YES1: variants seen among roughly 807,000 people sequenced by gnomAD.
The protein encoded by YES1 is YES proto-oncogene 1, Src family tyrosine kinase.
In YES1, 39 loss-of-function variants were observed where a neutral mutation model predicts 70.4. The ratio of observed to expected loss-of-function variants is 0.55; its 90% confidence interval spans 0.43 to 0.72. The LOEUF is 0.72. Ranked by LOEUF, YES1 falls within the 30% of genes least tolerant of loss-of-function variation. The pLI, the probability that YES1 is intolerant of heterozygous loss-of-function variation, is 0.00. For synonymous variants in YES1, 198 were observed against 218.6 expected, an observed-to-expected ratio of 0.91 and a Z score of 0.83; for missense variants, 495 against 644.8, an observed-to-expected ratio of 0.77 and a Z score of 2.52.
intron 1 of YES1, among the ~76,000 whole-genome samples, chr18:767,392 T>TC (rs1465245585): frequency 6.6e-6 from 1 of 152,122 alleles, no homozygotes; most frequent in African/African-American, 2.4e-5. Flanking sequence ...CTCAAGCAAT[T>TC]CGCCTGCCTC....
intron 3 of YES1, among the ~76,000 whole-genome samples, chr18:750,810 A>T (rs1375958535): frequency 6.6e-6 from 1 of 152,192 alleles, no homozygotes; most frequent in Non-Finnish European, 1.5e-5. Context: ...TTAGCTAAAT[A>T]AAGGAAAGAA....
intron 1 of YES1, among the ~76,000 whole-genome samples, chr18:797,447 G>A (rs958085599): frequency 6.6e-6 from 1 of 151,798 alleles, no homozygotes; most frequent in Non-Finnish European, 1.5e-5. Flanking sequence ...ATTATGGAAA[G>A]AGGAAAAACA....
At chr18:786,885 A>G (rs986654561) in intron 1 of YES1, among the ~76,000 whole-genome samples, 2 of 152,062 alleles carry the variant, frequency 1.3e-5, no homozygotes, top group African/African-American at 4.8e-5. Flanking sequence ...ACAAGGTTAC[A>G]TGATTTATTT....
chr18:783,714 C>T (rs1220625830), intron 1 of YES1, among the ~76,000 whole-genome samples: 1 of 151,522 alleles, frequency 6.6e-6, no homozygotes, highest in Non-Finnish European at 1.5e-5. Context: ...ATCCCAGGTT[C>T]AAGCAATTCT....
At chr18:762,760 T>G (rs1425578315) in intron 1 of YES1, among the ~76,000 whole-genome samples, 1 of 152,050 alleles carries the variant, frequency 6.6e-6, no homozygotes. Context: ...GCTATCAAAA[T>G]AAAACCAAAA....
intron 3 of YES1, among the ~76,000 whole-genome samples, chr18:748,334 T>A (rs1333219548): frequency 1.3e-5 from 2 of 149,260 alleles, no homozygotes; most frequent in Non-Finnish European, 3.0e-5. Context: ...GGGAGGTAAA[T>A]CTTTCAAATT....
intron 1 of YES1, among the ~76,000 whole-genome samples, chr18:765,687 C>T (rs563249156): frequency 6.6e-6 from 1 of 152,190 alleles, no homozygotes; most frequent in South Asian, 2.1e-4. Flanking sequence ...CGTGAGCCAC[C>T]GCACCCGGCC....
chr18:731,154 A>C (rs1383393938), intron 11 of YES1, among the ~76,000 whole-genome samples: 2 of 152,212 alleles, frequency 1.3e-5, no homozygotes, highest in African/African-American at 2.4e-5. Context: ...AGATGCATGA[A>C]ATAGATTTTG....
At chr18:751,681 T>C (rs1486507679) in intron 3 of YES1, 24 bp downstream of exon 3, 1 of 1,429,802 alleles carries the variant, frequency 7.0e-7, no homozygotes, top group African/African-American at 1.4e-5. Context: ...AGTATTTCTC[T>C]CACAAAATAT....
At chr18:809,843 A>G (rs552122089) in intron 1 of YES1, among the ~76,000 whole-genome samples, 1 of 152,146 alleles carries the variant, frequency 6.6e-6, no homozygotes, top group East Asian at 1.9e-4. Context: ...AATGAATTAC[A>G]CTAAGACCAA....
At chr18:740,716 T>G (rs2145700321) in intron 8 of YES1, among the ~76,000 whole-genome samples, 1 of 152,304 alleles carries the variant, frequency 6.6e-6, no homozygotes. Flanking sequence ...TAGAAAGGAC[T>G]TTTGTTATCT....
chr18:753,302 G>A (rs2080365320), intron 2 of YES1, among the ~76,000 whole-genome samples: 1 of 152,086 alleles, frequency 6.6e-6, no homozygotes, highest in Admixed American at 6.5e-5. Flanking sequence ...TTTTTGTGGT[G>A]AGAACACTTA....
chr18:743,478 T>A, intron 6 of YES1, 63 bp from the exon 7 acceptor site: 1 of 1,349,710 alleles, frequency 7.4e-7, no homozygotes, highest in African/African-American at 1.5e-5. Context: ...ATATAGTGTA[T>A]CAATGTTTTA....
intron 2 of YES1, among the ~76,000 whole-genome samples, chr18:752,232 C>A: frequency 6.6e-6 from 1 of 152,310 alleles, no homozygotes; most frequent in Admixed American, 6.5e-5. Flanking sequence ...CTCAGCTTCC[C>A]AAGTAGCTGG....
chr18:735,898 T>TG (rs1410849136), intron 10 of YES1: 2 of 152,220 alleles, frequency 1.3e-5, no homozygotes, highest in African/African-American at 4.8e-5. Context: ...AGGCCGGGCA[T>TG]GGTGTCTCAC....
intron 1 of YES1, among the ~76,000 whole-genome samples, chr18:783,797 T>C (rs929348509): frequency 2.6e-5 from 4 of 152,102 alleles, no homozygotes; most frequent in Non-Finnish European, 4.4e-5. Flanking sequence ...GTATTTTTAG[T>C]AGAAACGGGT....
At chr18:771,780 A>C (rs1465257607) in intron 1 of YES1, among the ~76,000 whole-genome samples, 1 of 152,074 alleles carries the variant, frequency 6.6e-6, no homozygotes, top group Non-Finnish European at 1.5e-5. Flanking sequence ...AGGGATCCCC[A>C]CACTTCGGCC....
chr18:783,411 AC>A (rs1905776351), intron 1 of YES1, among the ~76,000 whole-genome samples: 1 of 148,780 alleles, frequency 6.7e-6, no homozygotes, highest in Non-Finnish European at 1.5e-5. Context: ...ACACACACAC[AC>A]GGAAAAAATA....
chr18:778,676 C>T (rs1299497818), intron 1 of YES1, among the ~76,000 whole-genome samples: 1 of 152,116 alleles, frequency 6.6e-6, no homozygotes, highest in Non-Finnish European at 1.5e-5. Flanking sequence ...AGAGACTTAA[C>T]TTCATAAAAC....
Sources: gnomAD v4.1 joint callset for allele counts (sites outside exome capture counted in the v4.1 genomes callset) on GRCh38, gnomAD v4.1.1 for gene constraint, MANE v1.5 for transcripts, NCBI Gene and HGNC (gene_info 2026-07-23, HGNC 2026-07-21) for gene names.